Variants in DLG2 observed in about 807,000 individuals in gnomAD.
The protein encoded by DLG2 is disks large homolog 2.
Under a neutral mutation model 132.5 loss-of-function variants are expected in DLG2, and 45 were observed. The observed-to-expected ratio is 0.34, with a 90% CI of 0.27 to 0.44. The LOEUF (loss-of-function observed/expected upper bound fraction) is 0.44, where lower values mean the gene tolerates loss of function less well. Among genes scored for constraint, DLG2 ranks in the 20% least tolerant of loss-of-function variants. The probability of loss-of-function intolerance (pLI) is 1.00; values close to 1 mark genes in which losing one functional copy is unlikely to be tolerated. For synonymous variants in DLG2, 424 were observed against 419.6 expected (o/e 1.01, Z -0.13); for missense variants, 1,045 against 1,196.9 (o/e 0.87, Z 1.87).
intron 14 of DLG2, among the ~76,000 whole-genome samples, chr11:83,957,177 G>A (rs1217934600): frequency 6.6e-6 from 1 of 152,208 alleles, no homozygotes; most frequent in East Asian, 1.9e-4. Context: ...TATTTTCTAA[G>A]TTAAGGGCAT....
chr11:84,645,528 C>T (rs1462270553), intron 6 of DLG2, among the ~76,000 whole-genome samples: 1 of 152,170 alleles, frequency 6.6e-6, no homozygotes, highest in Non-Finnish European at 1.5e-5. Flanking sequence ...AGTGCAGTCG[C>T]ACGATCTCGG....
chr11:84,224,129 T>C (rs1468357932), intron 8 of DLG2, among the ~76,000 whole-genome samples: 1 of 152,216 alleles, frequency 6.6e-6, no homozygotes, highest in African/African-American at 2.4e-5. Flanking sequence ...CAGACATAAC[T>C]GGCTATAAGG....
chr11:83,632,798 C>G (rs2063796148), intron 19 of DLG2: 1 of 159,684 alleles, frequency 6.3e-6, no homozygotes, highest in South Asian at 1.9e-4. Flanking sequence ...TAAACTGATG[C>G]ACTAAAGTTA....
chr11:84,844,276 A>C (rs1262312932), intron 6 of DLG2, among the ~76,000 whole-genome samples: 4 of 150,906 alleles, frequency 2.7e-5, no homozygotes, highest in Admixed American at 6.6e-5. Flanking sequence ...ACACACACAC[A>C]TTACTTTTTT....
chr11:85,025,158 G>A (rs74956774), intron 6 of DLG2, among the ~76,000 whole-genome samples: 2,995 of 152,180 alleles, frequency 0.02, 54 homozygotes, highest in Admixed American at 0.042. Context: ...ATTGTATCTC[G>A]CAAGAACACA....
rs529234973 is a variant in DLG2 at position 84,324,296 on chromosome 11, G to T, written c.520-73005C>A. 3.9e-5 allele frequency among the ~76,000 whole-genome samples: 6 copies of T among 152,022 alleles called. No homozygotes were observed. The East Asian group carries it at 1.2e-3, about 29-fold the overall frequency. ...ATTATTCTGTTTCCCAACATTATTT[G>T]TTAAAAGAGACTCTTCTTTCCCCAT... On this transcript the variant is annotated intron_variant, in intron 7 of 27. Transcript: ENST00000376104.
chr11:83,755,101 A>G (rs1040694524), intron 18 of DLG2, among the ~76,000 whole-genome samples: 2 of 151,348 alleles, frequency 1.3e-5, no homozygotes, highest in African/African-American at 2.5e-5. Context: ...GCAAGATCTT[A>G]CCTACTTTTA....
At chr11:84,035,392 G>T (rs1452778295) in intron 11 of DLG2, among the ~76,000 whole-genome samples, 1 of 152,106 alleles carries the variant, frequency 6.6e-6, no homozygotes, top group East Asian at 1.9e-4. Context: ...ACAATGTTTG[G>T]TTGTGATACA....
chr11:85,200,292 T>C (rs1431384346), intron 4 of DLG2, among the ~76,000 whole-genome samples: 1 of 152,224 alleles, frequency 6.6e-6, no homozygotes, highest in Non-Finnish European at 1.5e-5. Flanking sequence ...GGGGTTGAGA[T>C]GGAATCATCT....
intron 11 of DLG2, among the ~76,000 whole-genome samples, chr11:84,024,397 AGC>A (rs2095483694): frequency 6.6e-6 from 1 of 152,182 alleles, no homozygotes; most frequent in Non-Finnish European, 1.5e-5. Context: ...CATATGATCC[AGC>A]AGTCTCACTT....
At chr11:83,988,039 T>G (rs1346435771) in intron 11 of DLG2, among the ~76,000 whole-genome samples, 2 of 152,116 alleles carry the variant, frequency 1.3e-5, no homozygotes, top group African/African-American at 2.4e-5. Flanking sequence ...ACATCAGACC[T>G]TTGTCAGATG....
chr11:85,465,119 A>AAAAAAAAG (rs2092739932), intron 3 of DLG2, among the ~76,000 whole-genome samples: 1 of 124,762 alleles, frequency 8.0e-6, no homozygotes, highest in Non-Finnish European at 1.7e-5. Flanking sequence ...AAAAAAAAAA[A>AAAAAAAAG]GAAGCAAGAT....
intron 6 of DLG2, among the ~76,000 whole-genome samples, chr11:84,659,059 C>T (rs1438302302): frequency 3.3e-5 from 5 of 152,184 alleles, no homozygotes; most frequent in Non-Finnish European, 7.3e-5. Context: ...TTATAAGCCA[C>T]TTAGTCTATA....
intron 3 of DLG2, among the ~76,000 whole-genome samples, chr11:85,515,036 TGGACTGTCAAGACAATATTAA>T (rs1371071097): frequency 4.0e-5 from 6 of 151,890 alleles, no homozygotes; most frequent in African/African-American, 1.4e-4. Flanking sequence ...AGTGATAAGG[TGGACTGTCAAGACAATATTAA>T]AAATAATTTG....
chr11:83,683,717 G>A (rs1363803790), intron 18 of DLG2, among the ~76,000 whole-genome samples: 2 of 152,140 alleles, frequency 1.3e-5, no homozygotes, highest in African/African-American at 4.8e-5. Context: ...CATTCCTGCC[G>A]TATTTCCTTT....
chr11:83,618,644 C>G (rs1206941410), intron 19 of DLG2, among the ~76,000 whole-genome samples: 1 of 152,108 alleles, frequency 6.6e-6, no homozygotes, highest in Non-Finnish European at 1.5e-5. Flanking sequence ...ACTCCAGAAC[C>G]CAAGCTTTTG....
chr11:84,802,531 T>C (rs915656345), intron 6 of DLG2, among the ~76,000 whole-genome samples: 1 of 151,716 alleles, frequency 6.6e-6, no homozygotes, highest in Non-Finnish European at 1.5e-5. Flanking sequence ...CCCCAGTCAC[T>C]ACTATGGCAG....
At chr11:84,750,053 T>C (rs1020333066) in intron 6 of DLG2, among the ~76,000 whole-genome samples, 3 of 152,192 alleles carry the variant, frequency 2.0e-5, no homozygotes, top group Non-Finnish European at 4.4e-5. Context: ...CCTAAATATA[T>C]GCCACCTTTT....
At chr11:83,803,260 C>T (rs2044996238) in intron 17 of DLG2, among the ~76,000 whole-genome samples, 1 of 152,078 alleles carries the variant, frequency 6.6e-6, no homozygotes, top group African/African-American at 2.4e-5. Context: ...GACTTAGAAT[C>T]TAACAGTAGT....
Sources: allele counts gnomAD v4.1 joint callset (sites outside exome capture counted in the v4.1 genomes callset), GRCh38; gene constraint gnomAD v4.1.1; transcripts MANE v1.5; gene names NCBI Gene and HGNC (gene_info 2026-07-23, HGNC 2026-07-21).